The following IFT122 variants were observed in gnomAD, a reference collection of about 807,000 sequenced individuals.
The protein encoded by IFT122 is intraflagellar transport 122.
IFT122 carries 118 observed loss-of-function variants against 161.6 expected under a neutral mutation model. The observed-to-expected ratio is 0.73, with a 90% CI of 0.63 to 0.85. The LOEUF (loss-of-function observed/expected upper bound fraction) is 0.85. Ranked by LOEUF, IFT122 falls within the 40% of genes least tolerant of loss-of-function variation. The pLI, the probability that IFT122 is intolerant of heterozygous loss-of-function variation, is 0.00. For synonymous variants in IFT122, 550 were observed against 602.4 expected (o/e 0.91, Z 1.27); for missense variants, 1,381 against 1,579.6 (o/e 0.87, Z 2.13).
At chr3:129,467,875 C>G (rs2076966280) in intron 8 of IFT122, among the ~76,000 whole-genome samples, 1 of 152,210 alleles carries the variant, frequency 6.6e-6, no homozygotes, top group Non-Finnish European at 1.5e-5. Flanking sequence ...GAAGGTATGG[C>G]TTTGGGTCCC....
In IFT122 at chr3:129,449,894, C is replaced by G. The variant is rs1388218932; in HGVS notation, c.65C>G (p.Pro22Arg). ...EHCINDIAFK[P>R]DGTQLILAAG... ...AGTATAAATGACATCGCATTTAAGCCTGATGGAACTCAACTGATTTTGGCT... is the reference window on the plus strand; with the variant it reads ...AGTATAAATGACATCGCATTTAAGCGTGATGGAACTCAACTGATTTTGGCT... Residue 22 changes from proline (P) to arginine (R), a missense_variant, in exon 2 of 30, where the codon CCT becomes CGT. Physicochemically the swap from Pro to Arg is moderately radical, Grantham distance 103. This residue lies in a region of IFT122 where 134 missense variants were observed against 137.4 expected (regional missense o/e 0.98). Transcript: ENST00000348417. 1 of 1,613,372 alleles carries G rather than the reference C, an allele frequency of 6.2e-7. No individual in the cohort carries two copies. Among genetic ancestry groups the G allele is most frequent in the Non-Finnish European group, 8.5e-7 (1 of 1,179,380 alleles).
chr3:129,451,730 C>A (rs1260732976), intron 2 of IFT122, among the ~76,000 whole-genome samples, 184 bp from the exon 3 acceptor site: 1 of 152,140 alleles, frequency 6.6e-6, no homozygotes, highest in African/African-American at 2.4e-5. Context: ...GACCTGGGTC[C>A]TCTACTTCTT....
In IFT122 at chr3:129,519,174, G is replaced by A; in HGVS notation, c.3459G>A (p.Lys1153=). Reference sequence around the variant, plus strand: ...GAGATGAGGACCCGTTCACAGCTAAGCTGAGCTTTGAGGTGAGGGTGCCTC... The same window carrying A: ...GAGATGAGGACCCGTTCACAGCTAAACTGAGCTTTGAGGTGAGGGTGCCTC... The part of the protein sequence containing the change: ...SIGDEDPFTA[K]LSFEQGGSEF... Residue 1153 remains lysine, a synonymous_variant, in exon 28 of 30, where the codon AAG becomes AAA. Transcript: ENST00000348417. 6.2e-7 allele frequency: 1 copy of A among 1,614,104 alleles called. No individual in the cohort carries two copies.
At chr3:129,516,694 G>C (rs1578202310) in intron 26 of IFT122, among the ~76,000 whole-genome samples, 1 of 50,182 alleles carries the variant, frequency 2.0e-5, no homozygotes, top group South Asian at 1.1e-3. Flanking sequence ...GATTGCTCCT[G>C]CACACACACA....
chr3:129,450,622 C>G (rs1429275601), intron 2 of IFT122, among the ~76,000 whole-genome samples: 1 of 150,188 alleles, frequency 6.7e-6, no homozygotes, highest in African/African-American at 2.5e-5. Flanking sequence ...AATCCAAACT[C>G]TATTAGTTTT....
chr3:129,464,114 C>G (rs1030951274), intron 6 of IFT122, among the ~76,000 whole-genome samples: 2 of 152,214 alleles, frequency 1.3e-5, no homozygotes, highest in African/African-American at 4.8e-5. Context: ...TGCACACAAA[C>G]TCATGAGTGT....
intron 20 of IFT122, among the ~76,000 whole-genome samples, chr3:129,503,728 T>G (rs1027429880): frequency 3.3e-5 from 5 of 152,130 alleles, no homozygotes; most frequent in Non-Finnish European, 7.4e-5. Flanking sequence ...GAGGCAATGG[T>G]GGCTTCTCAA....
intron 20 of IFT122, among the ~76,000 whole-genome samples, chr3:129,503,582 C>T (rs1371656897): frequency 1.3e-5 from 2 of 152,032 alleles, no homozygotes; most frequent in African/African-American, 4.8e-5. Flanking sequence ...GACTCACCCA[C>T]CCACCCATCA....
chr3:129,453,851 A>G (rs1190245268), intron 3 of IFT122, among the ~76,000 whole-genome samples: 3 of 147,840 alleles, frequency 2.0e-5, no homozygotes, highest in Non-Finnish European at 3.0e-5. Flanking sequence ...ATTAGTGGGA[A>G]GAAATGGGCT....
At chr3:129,494,216 GT>G (rs1442076539) in intron 17 of IFT122, among the ~76,000 whole-genome samples, 3 of 147,844 alleles carry the variant, frequency 2.0e-5, no homozygotes, top group African/African-American at 4.9e-5. Flanking sequence ...TTGTTTGTTT[GT>G]TTTTTTTTTG....
At chr3:129,485,407 G>C (rs778094852) in intron 15 of IFT122, among the ~76,000 whole-genome samples, 7 of 152,172 alleles carry the variant, frequency 4.6e-5, no homozygotes, top group Non-Finnish European at 7.3e-5. Context: ...ATCCATGCCT[G>C]ACACAGATCA....
At chr3:129,507,483 G>A (rs763003039) in intron 22 of IFT122, among the ~76,000 whole-genome samples, 185 bp from the exon 23 acceptor site, 1 of 152,174 alleles carries the variant, frequency 6.6e-6, no homozygotes, top group East Asian at 1.9e-4. Context: ...TCCTGGAGTG[G>A]CCCTACTCCT....
At chr3:129,457,705 G>A (rs1010501955) in intron 3 of IFT122, among the ~76,000 whole-genome samples, 10 of 149,876 alleles carry the variant, frequency 6.7e-5, no homozygotes, top group African/African-American at 1.2e-4. Context: ...TAATAATAGC[G>A]TATATTTCAA....
chr3:129,497,690 T>A (rs1274231999), intron 18 of IFT122, among the ~76,000 whole-genome samples: 1 of 152,190 alleles, frequency 6.6e-6, no homozygotes, highest in East Asian at 1.9e-4. Context: ...GTTTTTGGTT[T>A]TAGTTTTTGA....
chr3:129,518,704 C>T (rs573333751), intron 27 of IFT122, among the ~76,000 whole-genome samples: 1 of 152,262 alleles, frequency 6.6e-6, no homozygotes, highest in Non-Finnish European at 1.5e-5. Flanking sequence ...TTTCCAGGGA[C>T]CTCCAGGTGA....
At chr3:129,452,845 G>C (rs1218886532) in intron 3 of IFT122, among the ~76,000 whole-genome samples, 1 of 119,340 alleles carries the variant, frequency 8.4e-6, no homozygotes, top group South Asian at 2.2e-4. Context: ...CATCCAGACA[G>C]GGGGTGATGG....
chr3:129,452,251 C>T (rs2074939386), intron 3 of IFT122: 10 of 460,140 alleles, frequency 2.2e-5, no homozygotes, highest in South Asian at 2.1e-4. Flanking sequence ...CCTTATGGGG[C>T]TTCTGTTTTA....
rs1407537179 is a variant in IFT122, at chr3:129,476,569, T to C, written c.1008+63T>C. ...GAAGAGGCACTGAGCAGCCGCCGTG[T>C]CTCGAGTCACATCACTGGGGTTTGT... On this transcript the variant is annotated intron_variant, in intron 10 of 29. Coordinates refer to ENST00000348417, the MANE Select transcript of IFT122 (RefSeq NM_052989.3). The C allele has an allele frequency of 3.7e-6, 6 of 1,613,076 alleles. No individual in the cohort carries two copies. In the African/African-American group the frequency reaches 8.0e-5, roughly 22 times the overall value.
Position 129,481,685 on chromosome 3 carries a change from G to T in IFT122, c.1644G>T (p.Leu548=), listed in dbSNP as rs1211494967. The T allele has an allele frequency of 1.2e-6, 2 of 1,614,036 alleles. No homozygotes were observed. The change falls in exon 14 of 30, where the codon CTG becomes CTT. Residue 548 remains leucine (L), a synonymous_variant. Transcript: ENST00000348417. The part of the protein sequence containing the change: ...CLVYDIDTKE[L]LFQEPNANSV... ...TGTATGACATCGACACCAAGGAGCT[G>T]CTTTTTCAGGTGAAGTCCCTGAGGG...
Sources: allele counts gnomAD v4.1 joint callset (sites outside exome capture counted in the v4.1 genomes callset), GRCh38; gene constraint gnomAD v4.1.1; regional missense constraint gnomAD v4.1.1; transcripts MANE v1.5; gene names NCBI Gene and HGNC (gene_info 2026-07-23, HGNC 2026-07-21).